The following USO1 variants were observed in gnomAD, a reference collection of about 807,000 sequenced individuals.
The protein encoded by USO1 is USO1 vesicle transport factor.
USO1 carries 57 observed loss-of-function variants against 124.5 expected under a neutral mutation model. The observed-to-expected ratio is 0.46, with a 90% CI of 0.37 to 0.57. The LOEUF (loss-of-function observed/expected upper bound fraction) is 0.57. USO1 is among the 20% of genes least tolerant of loss of function. The pLI is 0.00. For missense variants in USO1, 900 were observed against 1,040.6 expected, an observed-to-expected ratio of 0.86 and a Z score of 1.86; for synonymous variants, 369 against 362.8, an observed-to-expected ratio of 1.02 and a Z score of -0.19.
intron 7 of USO1, among the ~76,000 whole-genome samples, chr4:75,773,027 G>A (rs1316761629): frequency 6.6e-6 from 1 of 152,070 alleles, no homozygotes. Context: ...GAACCTGGGA[G>A]GCGGAGGTTG....
intron 1 of USO1, among the ~76,000 whole-genome samples, chr4:75,728,582 T>G (rs1720531967): frequency 6.6e-6 from 1 of 152,118 alleles, no homozygotes; most frequent in Non-Finnish European, 1.5e-5. Context: ...TGGTTGGCAG[T>G]GAGCAACCAC....
intron 9 of USO1, among the ~76,000 whole-genome samples, 195 bp downstream of exon 9, chr4:75,783,053 T>C (rs536342643): frequency 1.1e-4 from 17 of 152,338 alleles, no homozygotes; most frequent in Admixed American, 8.5e-4. Flanking sequence ...TTGACAGTTA[T>C]TAACATCTGG....
chr4:75,760,314 C>T (rs1721569127), intron 4 of USO1, among the ~76,000 whole-genome samples: 1 of 152,226 alleles, frequency 6.6e-6, no homozygotes, highest in South Asian at 2.1e-4. Context: ...AAATGTAATT[C>T]TTAGCTGACA....
Position 75,790,139 on chromosome 4 carries a change from C to G in USO1, c.997-11C>G, listed in dbSNP as rs747034046. On this transcript the variant is annotated splice_polypyrimidine_tract_variant and intron_variant, in intron 10 of 23. Coordinates refer to ENST00000514213, the MANE Select transcript of USO1 (RefSeq NM_003715.4). Reference sequence around the variant, plus strand: ...TCTCTAAATGTTCTTTTTCTTTCTTCCCCTTAACAGACCATAAATACTGTA... The same window carrying G: ...TCTCTAAATGTTCTTTTTCTTTCTTGCCCTTAACAGACCATAAATACTGTA... 2.5e-6 allele frequency: 4 copies of G among 1,572,840 alleles called. No homozygotes were observed. The highest frequency in any genetic ancestry group is 3.4e-6 in the Non-Finnish European group (4 of 1,160,172).
intron 1 of USO1, among the ~76,000 whole-genome samples, chr4:75,729,328 C>T (rs537184688): frequency 1.3e-5 from 2 of 151,592 alleles, no homozygotes. Context: ...TGCCTTCTAT[C>T]TAGCACCTTT....
At chr4:75,762,164 CTTTTTTTTTTTTT>C (rs375866579) in intron 4 of USO1, among the ~76,000 whole-genome samples, 67 of 70,150 alleles carry the variant, frequency 9.6e-4, no homozygotes, top group Middle Eastern at 0.022. Flanking sequence ...AACAATTTTA[CTTTTTTTTTTTTT>C]TTTTTTTTTT....
At chr4:75,787,934 G>A (rs1198097152) in intron 10 of USO1, among the ~76,000 whole-genome samples, 1 of 151,656 alleles carries the variant, frequency 6.6e-6, no homozygotes, top group African/African-American at 2.4e-5. Flanking sequence ...TCATTTTACT[G>A]TTACTCTATA....
At chr4:75,787,227 A>G in intron 10 of USO1, 25 bp downstream of exon 10, 1 of 1,452,404 alleles carries the variant, frequency 6.9e-7, no homozygotes, top group Non-Finnish European at 9.1e-7. Context: ...GTCAAAGCCA[A>G]CTCTGTGGAA....
intron 3 of USO1, among the ~76,000 whole-genome samples, chr4:75,755,142 T>C (rs1048080742): frequency 6.6e-6 from 1 of 152,160 alleles, no homozygotes; most frequent in Non-Finnish European, 1.5e-5. Context: ...GAGAGAAAAA[T>C]AGAAAGCCAC....
chr4:75,799,952 T>G (rs530867520), intron 14 of USO1, among the ~76,000 whole-genome samples: 171 of 152,088 alleles, frequency 1.1e-3, no homozygotes, highest in African/African-American at 4.0e-3. Flanking sequence ...AATTTCTTTT[T>G]TTTTTTTTTG....
intron 9 of USO1, among the ~76,000 whole-genome samples, chr4:75,783,083 A>G (rs1169783740): frequency 6.6e-6 from 1 of 152,154 alleles, no homozygotes; most frequent in African/African-American, 2.4e-5. Context: ...TTCATCGTTT[A>G]TTCCTCTCTG....
chr4:75,750,156 G>A (rs1185669150), intron 1 of USO1, among the ~76,000 whole-genome samples: 1 of 152,168 alleles, frequency 6.6e-6, no homozygotes, highest in Non-Finnish European at 1.5e-5. Context: ...AAGTGGGGTT[G>A]GGTGCAGTGG....
At chr4:75,761,878 C>T (rs1055499341) in intron 4 of USO1, among the ~76,000 whole-genome samples, 1 of 152,056 alleles carries the variant, frequency 6.6e-6, no homozygotes, top group Non-Finnish European at 1.5e-5. Flanking sequence ...GAAGCATTAC[C>T]TTTTGTGACA....
At chr4:75,745,626 G>A (rs532167197) in intron 1 of USO1, among the ~76,000 whole-genome samples, 6 of 152,228 alleles carry the variant, frequency 3.9e-5, no homozygotes, top group Admixed American at 1.3e-4. Flanking sequence ...GTAGCCAGGC[G>A]CAGTGGCTCA....
chr4:75,798,642 T>C (rs1452771297), intron 13 of USO1, among the ~76,000 whole-genome samples: 2 of 152,186 alleles, frequency 1.3e-5, no homozygotes, highest in Admixed American at 6.6e-5. Context: ...AGTCAAGATA[T>C]TGGCATCAAG....
At chr4:75,733,278 AT>A (rs1185253533) in intron 1 of USO1, among the ~76,000 whole-genome samples, 1 of 152,172 alleles carries the variant, frequency 6.6e-6, no homozygotes, top group African/African-American at 2.4e-5. Flanking sequence ...ATTAAAAAAA[AT>A]AAATTAAGTC....
At chr4:75,754,733 G>C (rs1721389767) in intron 3 of USO1, among the ~76,000 whole-genome samples, 1 of 152,142 alleles carries the variant, frequency 6.6e-6, no homozygotes, top group South Asian at 2.1e-4. Flanking sequence ...AAAACAGCTA[G>C]AGTCCATTAT....
chr4:75,810,428 T>C lies in USO1; in HGVS notation c.2476-4T>C, dbSNP rs1299842790. 1 of 1,600,850 alleles carries C rather than the reference T, an allele frequency of 6.2e-7. No individual in the cohort carries two copies. The highest frequency in any genetic ancestry group is 8.5e-7 in the Non-Finnish European group (1 of 1,176,054). ...ACATCTTTTTTTCCAATTTCTAATTTCAGGCAAAATCAGTTGAGGTACAAG... is the reference window on the plus strand; with the variant it reads ...ACATCTTTTTTTCCAATTTCTAATTCCAGGCAAAATCAGTTGAGGTACAAG... On this transcript the variant is annotated splice_polypyrimidine_tract_variant and splice_region_variant and intron_variant, in intron 21 of 23. Transcript: ENST00000514213.
intron 3 of USO1, among the ~76,000 whole-genome samples, chr4:75,752,888 T>G (rs1349143695): frequency 6.6e-6 from 1 of 152,114 alleles, no homozygotes; most frequent in Admixed American, 6.5e-5. Context: ...TCGATAAAGA[T>G]TTATTGGACA....
Sources: allele counts gnomAD v4.1 joint callset (sites outside exome capture counted in the v4.1 genomes callset), GRCh38; gene constraint gnomAD v4.1.1; transcripts MANE v1.5; gene names NCBI Gene and HGNC (gene_info 2026-07-23, HGNC 2026-07-21).